Variants in FOXN1 observed in about 807,000 individuals in gnomAD.
FOXN1 encodes forkhead box protein N1.
FOXN1 carries 15 observed loss-of-function variants against 49.0 expected under a neutral mutation model. That is an observed-to-expected ratio of 0.31 (90% CI 0.20 to 0.47). The LOEUF (loss-of-function observed/expected upper bound fraction) is 0.47, where lower values mean the gene tolerates loss of function less well. FOXN1 is among the 20% of genes least tolerant of loss of function. The pLI, the probability that FOXN1 is intolerant of heterozygous loss-of-function variation, is 1.00. For synonymous variants in FOXN1, 356 were observed against 369.0 expected (o/e 0.96, Z 0.40); for missense variants, 800 against 842.8 (o/e 0.95, Z 0.63).
At chr17:28,533,801 C>G (rs2069978319) in intron 6 of FOXN1, among the ~76,000 whole-genome samples, 1 of 152,234 alleles carries the variant, frequency 6.6e-6, no homozygotes, top group Non-Finnish European at 1.5e-5. Context: ...CACCCAAACA[C>G]TCACCAACCT....
chr17:28,531,460 C>A lies in FOXN1; in HGVS notation c.927+615C>A, dbSNP rs2069912370. The stretch of plus-strand genomic sequence containing the variant: ...CAGAAGGCGCTTCTGGGAGCCTTAC[C>A]CAGCTCCCTCTCTAGAGGCAGGACA... On this transcript the variant is annotated intron_variant, in intron 6 of 8. Transcript: ENST00000579795. Among the ~76,000 whole-genome samples, 2 of 152,156 alleles carry A rather than the reference C, an allele frequency of 1.3e-5. 1 individual carries two copies. The highest frequency in any genetic ancestry group is 2.9e-5 in the Non-Finnish European group (2 of 68,016).
Position 28,534,343 on chromosome 17 carries a change from G to A in FOXN1, c.940G>A (p.Gly314Ser). Residue 314 changes from glycine to serine, a missense_variant, in exon 7 of 9, where the codon GGC becomes AGC. Around this residue, in one of 3 missense-constraint regions of FOXN1, gnomAD observed 73 missense variants for 118.9 expected, o/e 0.61. Transcript: ENST00000579795. This position sits in a 1 kb window ranked among gnomAD's most constrained non-coding sequence, Gnocchi z 4.1. The stretch of plus-strand genomic sequence containing the variant: ...TCTGTTCCGGCAGACAGCACCCGAT[G>A]GCTGGAAGAATTCTGTCCGGCACAA... ...HFPYFKTAPD[G>S]WKNSVRHNLS... 6.2e-7 allele frequency: 1 copy of A among 1,614,124 alleles called. No individual in the cohort carries two copies. The highest frequency in any genetic ancestry group is 8.5e-7 in the Non-Finnish European group (1 of 1,180,010).
In FOXN1 at chr17:28,530,735, T is replaced by A. The variant is rs1262212717; in HGVS notation, c.831-14T>A. The A allele has an allele frequency of 6.5e-7, 1 of 1,533,918 alleles. No individual in the cohort carries two copies. The highest frequency in any genetic ancestry group is 2.2e-5 in the East Asian group (1 of 44,462). On this transcript the variant is annotated splice_polypyrimidine_tract_variant and intron_variant, in intron 5 of 8. Transcript: ENST00000579795. ...TCAGAGGTTCGGACTCTCAGGGGCT[T>A]TCTCTTTCTTCAGCATCCTCATCTT...
At chr17:28,508,051 A>G (rs1285908347) in intron 1 of FOXN1, among the ~76,000 whole-genome samples, 1 of 151,388 alleles carries the variant, frequency 6.6e-6, no homozygotes, top group Non-Finnish European at 1.5e-5. Context: ...GTGCGAGCTC[A>G]GCTCCCGGCT....
intron 1 of FOXN1, among the ~76,000 whole-genome samples, chr17:28,520,193 G>A (rs2069610931): frequency 1.3e-5 from 2 of 152,206 alleles, no homozygotes; most frequent in Non-Finnish European, 2.9e-5. Context: ...AGGTCGTCCA[G>A]CTTCAGGGGT....
chr17:28,529,343 T>C, intron 5 of FOXN1, 119 bp downstream of exon 5: 2 of 1,265,340 alleles, frequency 1.6e-6, no homozygotes, highest in Non-Finnish European at 2.3e-6. Context: ...ATCATACCAG[T>C]GGGCTTCCAG....
chr17:28,524,457 C>T (rs986944357), intron 2 of FOXN1, 46 bp from the exon 3 acceptor site: 2 of 1,541,100 alleles, frequency 1.3e-6, no homozygotes, highest in Admixed American at 3.3e-5. Flanking sequence ...GTCCCCAGGC[C>T]TGGTTCAGCC....
intron 6 of FOXN1, among the ~76,000 whole-genome samples, chr17:28,533,812 C>G (rs552554014): frequency 6.6e-6 from 1 of 152,328 alleles, no homozygotes; most frequent in South Asian, 2.1e-4. Context: ...TCACCAACCT[C>G]GCCCATCTTT....
At chr17:28,527,624 G>A (rs1232326352) in intron 4 of FOXN1, among the ~76,000 whole-genome samples, 1 of 152,192 alleles carries the variant, frequency 6.6e-6, no homozygotes, top group Non-Finnish European at 1.5e-5. Context: ...GGGCTGAGAT[G>A]GAGGCAGGGC....
intron 8 of FOXN1, among the ~76,000 whole-genome samples, chr17:28,536,094 G>A (rs1364206640): frequency 1.3e-5 from 2 of 152,076 alleles, no homozygotes; most frequent in Non-Finnish European, 2.9e-5. Flanking sequence ...TTGGAACGGG[G>A]TGACGACCCA....
At chr17:28,514,499 C>A (rs1037311426) in intron 1 of FOXN1, among the ~76,000 whole-genome samples, 2 of 152,104 alleles carry the variant, frequency 1.3e-5, no homozygotes, top group Non-Finnish European at 2.9e-5. Flanking sequence ...TCCCAGACCC[C>A]GAGTTTCCTT....
At chr17:28,533,370 C>T (rs1010655979) in intron 6 of FOXN1, among the ~76,000 whole-genome samples, 4 of 152,224 alleles carry the variant, frequency 2.6e-5, no homozygotes, top group South Asian at 2.1e-4. Flanking sequence ...CTCCCGCCAC[C>T]GCCTCTCACC....
intron 1 of FOXN1, among the ~76,000 whole-genome samples, chr17:28,521,325 G>A (rs1263664338): frequency 1.3e-5 from 2 of 152,226 alleles, no homozygotes; most frequent in Non-Finnish European, 2.9e-5. Flanking sequence ...CTGAGATCTG[G>A]CGGGGAAGAA....
rs2070117406 is a variant in FOXN1 at position 28,538,168 on chromosome 17, G to A, written c.*732G>A. The A allele has an allele frequency of 6.6e-6, 1 of 152,120 alleles. No homozygotes were observed. Among genetic ancestry groups the A allele is most frequent in the Non-Finnish European group, 1.5e-5 (1 of 68,080 alleles). 9.4% of individuals were successfully genotyped at this position (152,120 alleles called of 1,614,324 possible). On this transcript the variant is annotated 3_prime_UTR_variant, in exon 9 of 9. Transcript: ENST00000579795. ...ATACAGAAGGGGCAACATCTACCCGGGCACCAAACTGAGCCCAATTCCGAA... is the reference window on the plus strand; with the variant it reads ...ATACAGAAGGGGCAACATCTACCCGAGCACCAAACTGAGCCCAATTCCGAA...
intron 1 of FOXN1, among the ~76,000 whole-genome samples, chr17:28,513,252 G>C (rs2069428783): frequency 6.6e-6 from 1 of 152,178 alleles, no homozygotes; most frequent in African/African-American, 2.4e-5. Context: ...CTGGGTGACA[G>C]AGTGAGACTT....
At chr17:28,525,374 T>A (rs73989128) in intron 3 of FOXN1, among the ~76,000 whole-genome samples, 4,179 of 152,234 alleles carry the variant, frequency 0.027, 182 homozygotes, top group African/African-American at 0.095. Flanking sequence ...TCCCCAGCCT[T>A]AGCATACAGA....
rs35240903 is a variant in FOXN1 at position 28,529,108 on chromosome 17, T to C, written c.714T>C (p.Gly238=). ...QPPFHQYSPG[G]GSYPIPYLGS... ...GACCTCCTCAGTACTCGCCAGGTGG[T>C]GGCAGCTACCCCATACCCTACCTGG... is the stretch of plus-strand genomic sequence containing the variant. Residue 238 remains glycine, a synonymous_variant, in exon 5 of 9, where the codon GGT becomes GGC. Coordinates refer to ENST00000579795, the MANE Select transcript of FOXN1 (RefSeq NM_001369369.1). 4.0e-3 allele frequency: 6,395 copies of C among 1,614,094 alleles called. 198 individuals are homozygous for C. The African/African-American group carries it at 0.072, about 18-fold the overall frequency.
chr17:28,512,896 G>A (rs1273225756), intron 1 of FOXN1, among the ~76,000 whole-genome samples: 2 of 152,140 alleles, frequency 1.3e-5, no homozygotes, highest in Non-Finnish European at 2.9e-5. Context: ...CTCTGTCAAG[G>A]AGCATCTAAG....
intron 4 of FOXN1, 43 bp from the exon 5 acceptor site, chr17:28,529,051 G>T (rs1408543619): frequency 6.2e-7 from 1 of 1,613,310 alleles, no homozygotes. Flanking sequence ...CCTGGGAAAG[G>T]CTGGGTACCA....
Sources: allele counts gnomAD v4.1 joint callset (sites outside exome capture counted in the v4.1 genomes callset), GRCh38; gene constraint gnomAD v4.1.1; regional missense constraint gnomAD v4.1.1; non-coding constraint Gnocchi (gnomAD v3.1); transcripts MANE v1.5; gene names NCBI Gene and HGNC (gene_info 2026-07-23, HGNC 2026-07-21).